The following ZNF423 variants were observed in gnomAD, a reference collection of about 807,000 sequenced individuals.
ZNF423 encodes the protein zinc finger protein 423.
In ZNF423, 12 loss-of-function variants were observed where a neutral mutation model predicts 95.8. The observed-to-expected ratio is 0.13, with a 90% CI of 0.08 to 0.20. The LOEUF (loss-of-function observed/expected upper bound fraction) is 0.20, where lower values mean the gene tolerates loss of function less well. Among genes scored for constraint, ZNF423 ranks in the 10% least tolerant of loss-of-function variants. The pLI is 1.00. For missense variants in ZNF423, 1,316 were observed against 1,737.1 expected (o/e 0.76, Z 4.31); for synonymous variants, 749 against 711.9 (o/e 1.05, Z -0.83).
At chr16:49,576,309 T>A (rs934237054) in intron 5 of ZNF423, among the ~76,000 whole-genome samples, 2 of 152,156 alleles carry the variant, frequency 1.3e-5, no homozygotes, top group African/African-American at 4.8e-5. Context: ...CCAGCTGCTG[T>A]CCAAGGGAGC....
At chr16:49,799,551 T>C (rs1436683439) in intron 1 of ZNF423, among the ~76,000 whole-genome samples, 2 of 152,120 alleles carry the variant, frequency 1.3e-5, no homozygotes, top group Admixed American at 1.3e-4. Flanking sequence ...GGGCTCAGCT[T>C]CTGTGCCAGC....
At chr16:49,742,881 A>G (rs2033443480) in intron 2 of ZNF423, among the ~76,000 whole-genome samples, 1 of 152,118 alleles carries the variant, frequency 6.6e-6, no homozygotes, top group African/African-American at 2.4e-5. Flanking sequence ...GGCCAGGCTA[A>G]TGGAGTTTGG....
chr16:49,790,102 C>T (rs1393884840), intron 1 of ZNF423, among the ~76,000 whole-genome samples: 1 of 152,194 alleles, frequency 6.6e-6, no homozygotes, highest in Non-Finnish European at 1.5e-5. Context: ...TGGTAGAGGC[C>T]ATGCACTAGG....
Position 49,570,258 on chromosome 16 carries a change from G to A in ZNF423, c.3602-44764C>T, listed in dbSNP as rs75961671. On this transcript the variant is annotated intron_variant, in intron 5 of 7. Transcript: ENST00000563137. ...TTTAGTGAAGGCCTGCTTTGTGCAT[G>A]GAACTGTAACAGGCAGGCTCTTTCT... 3.9e-3 allele frequency among the ~76,000 whole-genome samples: 596 copies of A among 152,254 alleles called. 5 individuals carry two copies. The highest frequency in any genetic ancestry group is 0.014 in the African/African-American group (570 of 41,560).
Position 49,797,848 on chromosome 16 carries a change from T to C in ZNF423, c.41-8302A>G, listed in dbSNP as rs145335292. On this transcript the variant is annotated intron_variant, in intron 1 of 7. Transcript: ENST00000563137. ...TCTGGCTCTGTCTCATGGGTCTCTC[T>C]GTCCACACCCTGCCCCCCAATATAT... 1.4e-4 allele frequency among the ~76,000 whole-genome samples: 22 copies of C among 152,328 alleles called. No homozygotes were observed. The East Asian group carries it at 4.1e-3, about 28-fold the overall frequency.
At chr16:49,693,102 T>A (rs1410242423) in intron 3 of ZNF423, among the ~76,000 whole-genome samples, 2 of 152,266 alleles carry the variant, frequency 1.3e-5, no homozygotes, top group African/African-American at 4.8e-5. Context: ...TAACATTAAG[T>A]GCTTATTACA....
intron 7 of ZNF423, among the ~76,000 whole-genome samples, chr16:49,506,411 G>A (rs1360972187): frequency 6.6e-6 from 1 of 151,980 alleles, no homozygotes; most frequent in South Asian, 2.1e-4. Context: ...GGGTGGATGG[G>A]TGGATAGATA....
At chr16:49,623,535 T>G (rs1435961633) in intron 5 of ZNF423, among the ~76,000 whole-genome samples, 1 of 152,236 alleles carries the variant, frequency 6.6e-6, no homozygotes, top group East Asian at 1.9e-4. Flanking sequence ...CGCATTAACA[T>G]CTGCTACAAA....
At chr16:49,815,894 ATATATATATATATATATATATT>A (rs2034838546) in intron 1 of ZNF423, among the ~76,000 whole-genome samples, 3 of 62,028 alleles carry the variant, frequency 4.8e-5, no homozygotes, top group Non-Finnish European at 8.4e-5. Flanking sequence ...ATATATATAT[ATATATATATATATATATATATT>A]TTTTTTTTTT....
At chr16:49,852,473 G>C (rs1219111721) in intron 1 of ZNF423, among the ~76,000 whole-genome samples, 5 of 152,296 alleles carry the variant, frequency 3.3e-5, no homozygotes, top group African/African-American at 1.2e-4. Context: ...GAGTGACAGA[G>C]AGAACTGCAG....
chr16:49,558,612 T>C (rs1239459680), intron 5 of ZNF423, among the ~76,000 whole-genome samples: 1 of 152,072 alleles, frequency 6.6e-6, no homozygotes, highest in Admixed American at 6.5e-5. Context: ...GCTCAAAAGC[T>C]AGCATCAGCC....
chr16:49,733,485 T>A (rs2033216471), intron 2 of ZNF423, among the ~76,000 whole-genome samples: 1 of 152,248 alleles, frequency 6.6e-6, no homozygotes, highest in Non-Finnish European at 1.5e-5. Flanking sequence ...TACATCCTGT[T>A]GACTCGGGAG....
rs201361462 is a variant in ZNF423 at position 49,590,029 on chromosome 16, AATAT to A, written c.3601+36137_3601+36140del. Among the ~76,000 whole-genome samples, 64 of 97,484 alleles carry A rather than the reference AATAT, an allele frequency of 6.6e-4. 6 individuals carry two copies. The highest frequency in any genetic ancestry group is 7.2e-3 in the Middle Eastern group (1 of 138). 64.0% of individuals were successfully genotyped at this position (97,484 alleles called of 152,430 possible). A position where few individuals can be genotyped will look rare whatever the true frequency, so the allele number is the denominator to read the frequency against. ...GGGATGGGGTAAAGGGGAAGTGGCG[AATAT>A]ATATATATATATATATATTTGGTCC... On this transcript the variant is annotated intron_variant, in intron 5 of 7. Transcript: ENST00000563137.
Position 49,637,959 on chromosome 16 carries a change from C to G in ZNF423, c.1217G>C (p.Arg406Pro), listed in dbSNP as rs375001883. The change falls in exon 4 of 8, where the codon CGG (arginine) becomes CCG (proline). Residue 406 changes from arginine (R) to proline (P), a missense_variant. Around this residue, in one of 6 missense-constraint regions of ZNF423, gnomAD observed 399 missense variants for 478.5 expected, o/e 0.83. Transcript: ENST00000563137. The surrounding 1 kb of genome is among the most constrained non-coding windows in gnomAD (Gnocchi z 5.6). ...LKPLRGQKKM[R>P]DDGQGWTKVV... ...CTTGGTCCAGCCCTGCCCGTCATCCCGCATCTTCTTCTGCCCCCGCAGCGG... is the reference window on the plus strand; with the variant it reads ...CTTGGTCCAGCCCTGCCCGTCATCCGGCATCTTCTTCTGCCCCCGCAGCGG... 6.2e-7 allele frequency: 1 copy of G among 1,614,020 alleles called. No individual in the cohort carries two copies. Among genetic ancestry groups the G allele is most frequent in the East Asian group, 2.2e-5 (1 of 44,890 alleles).
intron 3 of ZNF423, 168 bp downstream of exon 3, chr16:49,730,603 A>T: frequency 2.8e-6 from 2 of 714,056 alleles, no homozygotes; most frequent in Non-Finnish European, 4.6e-6. Context: ...TTTTATTTTT[A>T]ATTGTATTTA....
rs1326438002 is a variant in ZNF423 at position 49,490,353 on chromosome 16, C to T, written c.*922G>A. ...ACCCTTGGGCCTCTGTTTCCCCATC[C>T]AAGAGTGGGAAGATCAGGGTATTCC... On this transcript the variant is annotated 3_prime_UTR_variant, in exon 8 of 8. Transcript: ENST00000563137. 1 of 152,308 alleles carries T rather than the reference C, an allele frequency of 6.6e-6. No individual in the cohort carries two copies. Among genetic ancestry groups the T allele is most frequent in the Non-Finnish European group, 1.5e-5 (1 of 68,076 alleles). 9.4% of individuals were successfully genotyped at this position (152,308 alleles called of 1,614,324 possible).
intron 3 of ZNF423, among the ~76,000 whole-genome samples, chr16:49,691,746 T>C (rs574820521): frequency 2.7e-5 from 4 of 148,200 alleles, no homozygotes; most frequent in African/African-American, 5.0e-5. Context: ...AAAAAAAAAA[T>C]AGAGGATCCT....
intron 2 of ZNF423, among the ~76,000 whole-genome samples, chr16:49,763,269 T>G (rs1030361526): frequency 1.3e-5 from 2 of 151,950 alleles, no homozygotes; most frequent in Non-Finnish European, 2.9e-5. Flanking sequence ...TTTTGGTTTT[T>G]GTTTTTGTTT....
intron 3 of ZNF423, among the ~76,000 whole-genome samples, chr16:49,675,737 G>A (rs1437526418): frequency 6.6e-6 from 1 of 152,154 alleles, no homozygotes; most frequent in African/African-American, 2.4e-5. Context: ...GGCCAGGACA[G>A]GGGTTCCAAA....
Sources: gnomAD v4.1 joint callset for allele counts (sites outside exome capture counted in the v4.1 genomes callset) on GRCh38, gnomAD v4.1.1 for gene constraint, gnomAD v4.1.1 regional missense constraint, Gnocchi (gnomAD v3.1) non-coding constraint, MANE v1.5 for transcripts, NCBI Gene and HGNC (gene_info 2026-07-23, HGNC 2026-07-21) for gene names.